HMGB1: variants seen among roughly 807,000 people sequenced by gnomAD.
HMGB1 encodes the protein high mobility group protein B1.
For missense variants in HMGB1, 79 were observed against 253.5 expected (o/e 0.31, Z 4.67); for synonymous variants, 81 against 84.0 (o/e 0.96, Z 0.19).
At chr13:30,614,853 C>T (rs1198283166) in intron 1 of HMGB1, among the ~76,000 whole-genome samples, 2 of 151,654 alleles carry the variant, frequency 1.3e-5, no homozygotes, top group African/African-American at 4.9e-5. Flanking sequence ...CGCCTCCCAC[C>T]GCGCCCGGTT....
chr13:30,598,959 T>A (rs1012054030), intron 1 of HMGB1, among the ~76,000 whole-genome samples: 2 of 152,010 alleles, frequency 1.3e-5, no homozygotes, highest in African/African-American at 4.8e-5. Flanking sequence ...TATAATATAT[T>A]GTGTGTGTAT....
At chr13:30,539,188 C>T (rs1392600270) in intron 1 of HMGB1, among the ~76,000 whole-genome samples, 1 of 152,230 alleles carries the variant, frequency 6.6e-6, no homozygotes, top group Non-Finnish European at 1.5e-5. Context: ...TAAGCCACTG[C>T]GCCCAGCCAG....
At chr13:30,554,609 A>T in intron 1 of HMGB1, 1 of 771,968 alleles carries the variant, frequency 1.3e-6, no homozygotes, top group Non-Finnish European at 2.4e-6. Flanking sequence ...TGAAAAATAC[A>T]ATGGGAACAG....
chr13:30,555,928 C>T lies in HMGB1; in HGVS notation c.-15+60743G>A, dbSNP rs368502674. On this transcript the variant is annotated intron_variant, in intron 1 of 4. Coordinates refer to the HMGB1 transcript ENST00000405805. ...TAATCTGTATGGGTCTTACAAGATA[C>T]TCCAGGTTGCTTATATGCTTAGTGG... 1.8e-4 allele frequency among the ~76,000 whole-genome samples: 27 copies of T among 152,294 alleles called. No homozygotes were observed. The South Asian group carries it at 4.6e-3, about 26-fold the overall frequency.
chr13:30,544,266 G>C (rs543721722), intron 1 of HMGB1, among the ~76,000 whole-genome samples: 2 of 152,324 alleles, frequency 1.3e-5, no homozygotes, highest in African/African-American at 4.8e-5. Context: ...CTTCATCTCT[G>C]TTTCCTAGCC....
chr13:30,527,398 C>T (rs1392623575), intron 1 of HMGB1, among the ~76,000 whole-genome samples: 2 of 152,114 alleles, frequency 1.3e-5, no homozygotes, highest in East Asian at 1.9e-4. Flanking sequence ...CGGTGAGTAA[C>T]GCCTGAGTTG....
chr13:30,491,104 C>G (rs1157466330), intron 1 of HMGB1, among the ~76,000 whole-genome samples: 1 of 152,086 alleles, frequency 6.6e-6, no homozygotes, highest in Non-Finnish European at 1.5e-5. Context: ...TCTTGGCTCA[C>G]TGCAACCTCT....
intron 1 of HMGB1, among the ~76,000 whole-genome samples, chr13:30,596,361 G>A (rs1871609631): frequency 6.6e-6 from 1 of 152,148 alleles, no homozygotes; most frequent in Admixed American, 6.5e-5. Context: ...TCTTTATAGT[G>A]GTTTACCATA....
intron 1 of HMGB1, among the ~76,000 whole-genome samples, chr13:30,485,248 C>G (rs1233449015): frequency 1.3e-5 from 2 of 152,140 alleles, no homozygotes; most frequent in Admixed American, 6.6e-5. Flanking sequence ...TCAGGCTGGT[C>G]TCAAACTCCT....
chr13:30,475,622 C>G (rs893581242), intron 1 of HMGB1, among the ~76,000 whole-genome samples: 2 of 151,962 alleles, frequency 1.3e-5, no homozygotes, highest in East Asian at 1.9e-4. Flanking sequence ...ATTGTTTGAG[C>G]CCGGGAGTTT....
chr13:30,603,779 T>A (rs1474113605), intron 1 of HMGB1, among the ~76,000 whole-genome samples: 1 of 152,248 alleles, frequency 6.6e-6, no homozygotes, highest in Admixed American at 6.5e-5. Flanking sequence ...CCTGTATCCT[T>A]TAAATCATCT....
chr13:30,549,616 A>AGG, intron 1 of HMGB1, among the ~76,000 whole-genome samples: 1 of 151,936 alleles, frequency 6.6e-6, no homozygotes, highest in South Asian at 2.1e-4. Flanking sequence ...GCTAGTCTTG[A>AGG]ACTCCTGGCC....
At chr13:30,478,408 C>T (rs750793534) in intron 1 of HMGB1, among the ~76,000 whole-genome samples, 4 of 152,112 alleles carry the variant, frequency 2.6e-5, no homozygotes, top group Non-Finnish European at 5.9e-5. Context: ...GTGGAAACAA[C>T]CTAGATGTCC....
At chr13:30,610,099 CT>C (rs535494521) in intron 1 of HMGB1, among the ~76,000 whole-genome samples, 37 of 151,912 alleles carry the variant, frequency 2.4e-4, no homozygotes, top group African/African-American at 3.4e-4. Flanking sequence ...TTCTTAGTAA[CT>C]TTTTTTCTCT....
chr13:30,565,041 A>G (rs573576392), intron 1 of HMGB1, among the ~76,000 whole-genome samples: 1 of 152,240 alleles, frequency 6.6e-6, no homozygotes, highest in Non-Finnish European at 1.5e-5. Context: ...TACATAGATT[A>G]TCTCTTAAAT....
intron 1 of HMGB1, among the ~76,000 whole-genome samples, chr13:30,490,622 A>G (rs202197472): frequency 7.1e-5 from 1 of 14,090 alleles, no homozygotes; most frequent in African/African-American, 1.3e-4. Flanking sequence ...GTCTGAACAG[A>G]AAAAAAAAAA....
intron 1 of HMGB1, among the ~76,000 whole-genome samples, chr13:30,573,843 G>A (rs761152246): frequency 3.3e-5 from 5 of 152,158 alleles, no homozygotes; most frequent in East Asian, 1.9e-4. Context: ...TTGCAGAGAC[G>A]AGGTTTCACC....
chr13:30,587,013 T>C (rs1041942777), intron 1 of HMGB1, among the ~76,000 whole-genome samples: 4 of 152,230 alleles, frequency 2.6e-5, no homozygotes. Context: ...ATAATTAAAA[T>C]GTAATATTTA....
chr13:30,543,377 T>C (rs1869000841), intron 1 of HMGB1: 1 of 152,760 alleles, frequency 6.5e-6, no homozygotes, highest in African/African-American at 2.4e-5. Flanking sequence ...TCTGCCCATC[T>C]CAGCCTCCCA....
Sources: allele counts gnomAD v4.1 joint callset (sites outside exome capture counted in the v4.1 genomes callset), GRCh38; gene constraint gnomAD v4.1.1; transcripts MANE v1.5; gene names NCBI Gene and HGNC (gene_info 2026-07-23, HGNC 2026-07-21).